C1QBP: variants seen among roughly 807,000 people sequenced by gnomAD.
The protein encoded by C1QBP is complement component 1 Q subcomponent-binding protein, mitochondrial.
Under a neutral mutation model 29.4 loss-of-function variants are expected in C1QBP, and 24 were observed. The observed-to-expected ratio is 0.82, with a 90% confidence interval of 0.59 to 1.15. C1QBP has a LOEUF of 1.15. Among genes scored for constraint, C1QBP ranks in the 50% most tolerant of loss-of-function variants. C1QBP has a pLI of 0.00. For missense variants in C1QBP, 337 were observed against 355.8 expected (o/e 0.95, Z 0.43); for synonymous variants, 182 against 149.2 (o/e 1.22, Z -1.60).
intron 1 of C1QBP, 59 bp downstream of exon 1, chr17:5,438,783 C>T (rs1916342063): frequency 3.9e-6 from 6 of 1,545,226 alleles, no homozygotes; most frequent in Middle Eastern, 4.2e-4. Context: ...GGCCCTATTC[C>T]TGGTCTACGT....
intron 3 of C1QBP, 91 bp from the exon 4 acceptor site, chr17:5,433,858 A>G (rs1243068445): frequency 9.3e-7 from 1 of 1,070,988 alleles, no homozygotes. Flanking sequence ...GATGGCCACC[A>G]CTATTAGGAT....
intron 3 of C1QBP, 122 bp from the exon 4 acceptor site, chr17:5,433,889 G>C: frequency 1.2e-6 from 1 of 846,134 alleles, no homozygotes; most frequent in East Asian, 2.5e-5. Flanking sequence ...CATTTGAATA[G>C]TCTTATGCCA....
chr17:5,438,575 T>G, intron 1 of C1QBP: 5 of 754,198 alleles, frequency 6.6e-6, no homozygotes, highest in Non-Finnish European at 8.2e-6. Context: ...ACCACGACCA[T>G]GGGCCTTCCC....
Position 5,437,974 on chromosome 17 carries a change from C to T in C1QBP, c.383+149G>A, listed in dbSNP as rs780003191. ...CGGTGAATGGACTGCCTGGGGCTTA[C>T]GAAGTTGTCCAAATGAATCCTTCAC... On this transcript the variant is annotated intron_variant, in intron 2 of 5. Coordinates refer to ENST00000225698, the MANE Select transcript of C1QBP (RefSeq NM_001212.4). 105 of 1,135,794 alleles carry T rather than the reference C, an allele frequency of 9.2e-5. No homozygotes were observed. The Middle Eastern group carries it at 9.4e-4, about 10-fold the overall frequency. 70.4% of individuals were successfully genotyped at this position (1,135,794 alleles called of 1,614,324 possible). A position where few individuals can be genotyped will look rare whatever the true frequency, so the allele number is the denominator to read the frequency against.
chr17:5,439,046 G>A lies in C1QBP; in HGVS notation c.28C>T (p.Arg10Cys), dbSNP rs1221901743. The A allele has an allele frequency of 3.3e-6, 5 of 1,527,360 alleles. No individual in the cohort carries two copies. The highest frequency in any genetic ancestry group is 1.4e-5 in the African/African-American group (1 of 69,604). 94.6% of individuals were successfully genotyped at this position (1,527,360 alleles called of 1,614,324 possible). MLPLLRCVPRVLGSSVAGLR... is the reference protein window; with the variant it reads MLPLLRCVPCVLGSSVAGLR... ...CCGGCGACGGAGGAGCCCAGCACACGGGGCACGCAGCGCAGCAGAGGCAGC... is the reference window on the plus strand; with the variant it reads ...CCGGCGACGGAGGAGCCCAGCACACAGGGCACGCAGCGCAGCAGAGGCAGC... The change falls in exon 1 of 6, where the codon CGT becomes TGT. Residue 10 changes from arginine to cysteine, a missense_variant. Arg to Cys is a radical substitution (Grantham distance 180). Coordinates refer to ENST00000225698, the MANE Select transcript of C1QBP (RefSeq NM_001212.4).
chr17:5,433,455 G>C (rs542574995), intron 4 of C1QBP, 40 bp from the exon 5 acceptor site: 25 of 1,613,308 alleles, frequency 1.5e-5, no homozygotes, highest in Non-Finnish European at 2.0e-5. Flanking sequence ...GGGTTCTCCA[G>C]GACAAGCTAG....
Position 5,434,859 on chromosome 17 carries a change from T to C in C1QBP, c.477+14A>G, listed in dbSNP as rs775442065. 1.8e-5 allele frequency: 29 copies of C among 1,603,014 alleles called. No individual in the cohort carries two copies. The highest frequency in any genetic ancestry group is 2.3e-5 in the Non-Finnish European group (27 of 1,170,116). On this transcript the variant is annotated intron_variant, in intron 3 of 5. Transcript: ENST00000225698. ...TCAGAACTGAGGTAAAAGCTGATTA[T>C]AGTATTAGCTTACCTCCTGTTCTTC...
In C1QBP at chr17:5,438,139, T is replaced by C. The variant is rs1275829694; in HGVS notation, c.367A>G (p.Lys123Glu). 1 of 1,612,346 alleles carries C rather than the reference T, an allele frequency of 6.2e-7. No homozygotes were observed. Among genetic ancestry groups the C allele is most frequent in the South Asian group, 1.1e-5 (1 of 90,990 alleles). The stretch of plus-strand genomic sequence containing the variant: ...AGTACTTACTTTTCCCCGGCAACTT[T>C]CCGCACTAATTTCGCTTCTGTCCCA... The part of the protein sequence containing the change: ...LNGTEAKLVR[K>E]VAGEKITVTF... Residue 123 changes from lysine to glutamate, a missense_variant, in exon 2 of 6, where the codon AAA becomes GAA. By Grantham distance (56) the Lys-to-Glu change is moderately conservative. Coordinates refer to ENST00000225698, the MANE Select transcript of C1QBP (RefSeq NM_001212.4).
intron 3 of C1QBP, among the ~76,000 whole-genome samples, chr17:5,434,353 C>CT (rs1916197167): frequency 6.6e-6 from 1 of 151,990 alleles, no homozygotes; most frequent in South Asian, 2.1e-4. Context: ...TCTAGGGACT[C>CT]TGTGGCCCTC....
Position 5,439,088 on chromosome 17 carries a change from C to T in C1QBP, c.-15G>A. Reference sequence around the variant, plus strand: ...AGAGGCAGCATCGCGGAAACGACTGCGAACACGTGCAGATGCAAAGGACAA... The same window carrying T: ...AGAGGCAGCATCGCGGAAACGACTGTGAACACGTGCAGATGCAAAGGACAA... On this transcript the variant is annotated 5_prime_UTR_variant, in exon 1 of 6. Transcript: ENST00000225698. The T allele has an allele frequency of 6.5e-7, 1 of 1,540,378 alleles. No homozygotes were observed. The highest frequency in any genetic ancestry group is 2.5e-5 in the East Asian group (1 of 39,982).
intron 2 of C1QBP, among the ~76,000 whole-genome samples, chr17:5,435,845 C>A (rs551245157): frequency 1.5e-5 from 2 of 131,670 alleles, no homozygotes; most frequent in African/African-American, 6.2e-5. Flanking sequence ...CTGGCCAACA[C>A]GATGAAACTC....
chr17:5,434,040 C>T (rs983546479), intron 3 of C1QBP: 10 of 473,748 alleles, frequency 2.1e-5, no homozygotes, highest in Non-Finnish European at 3.1e-5. Flanking sequence ...AGTCCCTTAA[C>T]ATTCCAAGCC....
intron 2 of C1QBP, among the ~76,000 whole-genome samples, chr17:5,437,602 C>T (rs775068162): frequency 2.0e-5 from 3 of 152,174 alleles, no homozygotes; most frequent in Non-Finnish European, 2.9e-5. Context: ...TGAGCCACCG[C>T]GCCCAGGCTC....
At position 5,438,985 on chromosome 17, in the gene C1QBP, T is replaced by C; in HGVS notation, c.89A>G (p.Gln30Arg). Residue 30 changes from glutamine to arginine, a missense_variant, in exon 1 of 6, where the codon CAG becomes CGG. Gln to Arg is a conservative substitution (Grantham distance 43). Transcript: ENST00000225698. ...RAAAPASPFR[Q>R]LLQPAPRLCT... ...CAGCCGGGGTGCCGGCTGCAGGAGCTGCCGGAAAGGCGAGGCGGGCGCGGC... is the reference window on the plus strand; with the variant it reads ...CAGCCGGGGTGCCGGCTGCAGGAGCCGCCGGAAAGGCGAGGCGGGCGCGGC... 6.7e-7 allele frequency: 1 copy of C among 1,502,740 alleles called. No homozygotes were observed. The highest frequency in any genetic ancestry group is 8.9e-7 in the Non-Finnish European group (1 of 1,128,282). The allele number at this position is 1,502,740 out of a possible 1,614,324, so 93.1% of individuals were successfully genotyped here. A position where few individuals can be genotyped will look rare whatever the true frequency, so the allele number is the denominator to read the frequency against.
At chr17:5,437,126 T>A (rs1597350708) in intron 2 of C1QBP, among the ~76,000 whole-genome samples, 1 of 152,244 alleles carries the variant, frequency 6.6e-6, no homozygotes, top group Non-Finnish European at 1.5e-5. Flanking sequence ...GAATAATGAG[T>A]GACTGCTAAT....
chr17:5,436,994 A>G (rs1198038557), intron 2 of C1QBP, among the ~76,000 whole-genome samples: 1 of 152,122 alleles, frequency 6.6e-6, no homozygotes, highest in Non-Finnish European at 1.5e-5. Flanking sequence ...GTGACAGAGC[A>G]AGACTCCGTG....
At chr17:5,433,591 TA>T in intron 4 of C1QBP, 77 bp downstream of exon 4, 1 of 1,552,406 alleles carries the variant, frequency 6.4e-7, no homozygotes, top group Non-Finnish European at 8.9e-7. Flanking sequence ...AAATTTCTGC[TA>T]AAATAGGGAC....
At chr17:5,434,163 C>G (rs935325867) in intron 3 of C1QBP, 1 of 199,876 alleles carries the variant, frequency 5.0e-6, no homozygotes, top group Non-Finnish European at 1.0e-5. Context: ...GGGAACCTGG[C>G]CATCCTTATG....
chr17:5,438,748 T>A (rs948105519), intron 1 of C1QBP, 94 bp downstream of exon 1: 46 of 1,541,986 alleles, frequency 3.0e-5, no homozygotes, highest in Non-Finnish European at 3.9e-5. Context: ...TGGAAAAATG[T>A]CCCAGACCTC....
Sources: gnomAD v4.1 joint callset for allele counts (sites outside exome capture counted in the v4.1 genomes callset) on GRCh38, gnomAD v4.1.1 for gene constraint, MANE v1.5 for transcripts, NCBI Gene and HGNC (gene_info 2026-07-23, HGNC 2026-07-21) for gene names.